IGF2BP2: variants seen among roughly 807,000 people sequenced by gnomAD.
The protein encoded by IGF2BP2 is insulin-like growth factor 2 mRNA-binding protein 2.
IGF2BP2 carries 17 observed loss-of-function variants against 75.8 expected under a neutral mutation model. The ratio of observed to expected loss-of-function variants is 0.22; its 90% confidence interval spans 0.15 to 0.34. The LOEUF is 0.34. Among genes scored for constraint, IGF2BP2 ranks in the 10% least tolerant of loss-of-function variants. The pLI, the probability that IGF2BP2 is intolerant of heterozygous loss-of-function variation, is 1.00. For synonymous variants in IGF2BP2, 288 were observed against 295.6 expected (o/e 0.97, Z 0.26); for missense variants, 516 against 772.4 (o/e 0.67, Z 3.93).
intron 14 of IGF2BP2, among the ~76,000 whole-genome samples, chr3:185,648,651 G>C (rs1367203568): frequency 6.6e-6 from 1 of 152,002 alleles, no homozygotes; most frequent in Non-Finnish European, 1.5e-5. Context: ...CCCCACCCAG[G>C]TCAGTAAGTC....
At chr3:185,663,874 C>CT (rs1716872089) in intron 10 of IGF2BP2, among the ~76,000 whole-genome samples, 1 of 152,166 alleles carries the variant, frequency 6.6e-6, no homozygotes, top group Non-Finnish European at 1.5e-5. Flanking sequence ...AATGGTCTTT[C>CT]TAATGTACTG....
At position 185,742,186 on chromosome 3, in the gene IGF2BP2, TAA is replaced by T. The variant is rs35598775; in HGVS notation, c.240-43841_240-43840del. The stretch of plus-strand genomic sequence containing the variant: ...GGCAACACAGTGAGAGCCCACCTCT[TAA>T]AAAAAAAAAAAAAAAAATTAGCCGG... On this transcript the variant is annotated intron_variant, in intron 2 of 15. Transcript: ENST00000382199. 3.0e-3 allele frequency among the ~76,000 whole-genome samples: 412 copies of T among 135,626 alleles called. 1 individual carries two copies. The highest frequency in any genetic ancestry group is 9.8e-3 in the African/African-American group (365 of 37,094). 89.0% of individuals were successfully genotyped at this position (135,626 alleles called of 152,430 possible).
In IGF2BP2 at chr3:185,657,496, T is replaced by C. The variant is rs1715642496; in HGVS notation, c.1270-94A>G. The C allele has an allele frequency of 4.3e-6, 4 of 936,832 alleles. No individual in the cohort carries two copies. The South Asian group carries it at 4.9e-5, about 12-fold the overall frequency. 58.0% of individuals were successfully genotyped at this position (936,832 alleles called of 1,614,324 possible). On this transcript the variant is annotated intron_variant, in intron 11 of 15. Transcript: ENST00000382199. ...ACCAAGCACCTTACCATGAACCCCA[T>C]GGTGGGAAGGCCCCGCCACCCAAGG...
At chr3:185,770,409 G>A (rs1733722725) in intron 2 of IGF2BP2, among the ~76,000 whole-genome samples, 1 of 152,210 alleles carries the variant, frequency 6.6e-6, no homozygotes, top group East Asian at 1.9e-4. Context: ...GAGTGAGAAA[G>A]AGTAGTGGGT....
In IGF2BP2 at chr3:185,709,967, A is replaced by C. The variant is rs191149358; in HGVS notation, c.240-11620T>G. On this transcript the variant is annotated intron_variant, in intron 2 of 15. Coordinates refer to ENST00000382199, the MANE Select transcript of IGF2BP2 (RefSeq NM_006548.6). ...AAAGCTTTTCCAAATTCATTCAATA[A>C]ATGTTTACTAAGGACCCATTATAGG... is the stretch of plus-strand genomic sequence containing the variant. 2.6e-5 allele frequency among the ~76,000 whole-genome samples: 4 copies of C among 152,228 alleles called. No individual in the cohort carries two copies. In the East Asian group the frequency reaches 7.7e-4, roughly 29 times the overall value.
intron 2 of IGF2BP2, among the ~76,000 whole-genome samples, chr3:185,806,489 A>G (rs908098525): frequency 2.6e-5 from 4 of 152,244 alleles, no homozygotes; most frequent in Non-Finnish European, 5.9e-5. Context: ...TTCACTTCAC[A>G]TAACTATCAT....
intron 2 of IGF2BP2, among the ~76,000 whole-genome samples, chr3:185,730,498 A>G (rs1728019843): frequency 7.0e-6 from 1 of 143,218 alleles, no homozygotes; most frequent in South Asian, 2.2e-4. Context: ...GCAATGGCAC[A>G]GTCTCGGCTC....
At chr3:185,695,229 A>G (rs1480414889) in intron 4 of IGF2BP2, among the ~76,000 whole-genome samples, 2 of 152,204 alleles carry the variant, frequency 1.3e-5, no homozygotes, top group African/African-American at 4.8e-5. Flanking sequence ...ACTGAATAAT[A>G]TCTGAATAAT....
At chr3:185,820,082 T>G (rs1218525832) in intron 2 of IGF2BP2, among the ~76,000 whole-genome samples, 1 of 152,018 alleles carries the variant, frequency 6.6e-6, no homozygotes, top group Non-Finnish European at 1.5e-5. Context: ...ACCACTTAGT[T>G]ACTTCCTAGA....
chr3:185,814,738 G>A (rs185274372), intron 2 of IGF2BP2, among the ~76,000 whole-genome samples: 1 of 152,118 alleles, frequency 6.6e-6, no homozygotes, highest in African/African-American at 2.4e-5. Flanking sequence ...TGGTTTAACT[G>A]TATCTTAAGT....
At chr3:185,735,450 A>G (rs1469279323) in intron 2 of IGF2BP2, among the ~76,000 whole-genome samples, 1 of 152,174 alleles carries the variant, frequency 6.6e-6, no homozygotes, top group Non-Finnish European at 1.5e-5. Flanking sequence ...CTGGCCTTAC[A>G]TCCCTTAATC....
chr3:185,696,229 C>T (rs191540494), intron 4 of IGF2BP2, among the ~76,000 whole-genome samples: 86 of 152,300 alleles, frequency 5.6e-4, no homozygotes, highest in African/African-American at 1.8e-3. Context: ...TTGGGTAACA[C>T]TCAGTCCAAG....
At chr3:185,813,624 G>C (rs188448691) in intron 2 of IGF2BP2, among the ~76,000 whole-genome samples, 11 of 152,232 alleles carry the variant, frequency 7.2e-5, no homozygotes, top group Admixed American at 2.6e-4. Context: ...TGCACTTCAG[G>C]GGAAAAAAGT....
At chr3:185,768,473 T>C (rs1733396550) in intron 2 of IGF2BP2, among the ~76,000 whole-genome samples, 1 of 152,232 alleles carries the variant, frequency 6.6e-6, no homozygotes, top group Non-Finnish European at 1.5e-5. Flanking sequence ...GAACTGCATG[T>C]TAACCCTTTT....
chr3:185,726,938 G>A lies in IGF2BP2; in HGVS notation c.240-28591C>T, dbSNP rs370224506. Reference sequence around the variant, plus strand: ...GAAACAACAGAAGAAATTACAGGAGGCCGAGCACGGTGGCTCACGCCTGTA... The same window carrying A: ...GAAACAACAGAAGAAATTACAGGAGACCGAGCACGGTGGCTCACGCCTGTA... On this transcript the variant is annotated intron_variant, in intron 2 of 15. Transcript: ENST00000382199. Among the ~76,000 whole-genome samples the A allele has an allele frequency of 5.9e-5, 9 of 152,334 alleles. No individual in the cohort carries two copies. The East Asian group carries it at 1.2e-3, about 20-fold the overall frequency.
chr3:185,778,803 C>A (rs187894972), intron 2 of IGF2BP2, among the ~76,000 whole-genome samples: 87 of 152,308 alleles, frequency 5.7e-4, no homozygotes, highest in Non-Finnish European at 1.2e-3. Context: ...ATTCTCCAAT[C>A]CAGCACACTC....
At chr3:185,700,897 G>A (rs1723205207) in intron 2 of IGF2BP2, among the ~76,000 whole-genome samples, 1 of 152,044 alleles carries the variant, frequency 6.6e-6, no homozygotes. Context: ...AGCATGCACT[G>A]TCATAGAAAA....
intron 2 of IGF2BP2, among the ~76,000 whole-genome samples, chr3:185,748,259 T>C (rs1165264007): frequency 1.3e-5 from 2 of 152,070 alleles, no homozygotes; most frequent in Admixed American, 1.3e-4. Flanking sequence ...AGCAAAGAGG[T>C]AGAGGAAGGA....
intron 2 of IGF2BP2, among the ~76,000 whole-genome samples, chr3:185,791,536 C>T (rs964940220): frequency 1.1e-4 from 16 of 152,166 alleles, no homozygotes; most frequent in African/African-American, 3.9e-4. Context: ...GTCCTCTGTG[C>T]CAGGCACTAG....
Sources: gnomAD v4.1 joint callset for allele counts (sites outside exome capture counted in the v4.1 genomes callset) on GRCh38, gnomAD v4.1.1 for gene constraint, MANE v1.5 for transcripts, NCBI Gene and HGNC (gene_info 2026-07-23, HGNC 2026-07-21) for gene names.